The following BRIP1 variants were observed in gnomAD, a reference collection of about 807,000 sequenced individuals.
BRIP1 encodes Fanconi anemia group J protein.
In BRIP1, 88 loss-of-function variants were observed where a neutral mutation model predicts 119.7. That is an observed-to-expected ratio of 0.74 (90% confidence interval 0.62 to 0.88). The LOEUF is 0.88. BRIP1 is among the 40% of genes least tolerant of loss of function. The pLI is 0.00. For missense variants in BRIP1, 1,259 were observed against 1,455.4 expected (o/e 0.87, Z 2.20); for synonymous variants, 443 against 496.5 (o/e 0.89, Z 1.43).
intron 6 of BRIP1, among the ~76,000 whole-genome samples, chr17:61,833,527 C>T (rs1228488980): frequency 1.3e-5 from 2 of 152,010 alleles, no homozygotes; most frequent in East Asian, 3.9e-4. Context: ...AGAAATTAGC[C>T]AGGCATGGTG....
rs1298958766 is a variant in BRIP1 at position 61,853,119 on chromosome 17, A to G, written c.380-3863T>C. Among the ~76,000 whole-genome samples, 1 of 152,232 alleles carries G rather than the reference A, an allele frequency of 6.6e-6. No homozygotes were observed. The highest frequency in any genetic ancestry group is 1.9e-4 in the East Asian group (1 of 5,202). On this transcript the variant is annotated intron_variant, in intron 4 of 19. Coordinates refer to ENST00000259008, the MANE Select transcript of BRIP1 (RefSeq NM_032043.3). The surrounding 1 kb of genome is among the most constrained non-coding windows in gnomAD (Gnocchi z 4.3). ...CAGATTAATAAACTGTGGTATATTC[A>G]TACAAGGAAATAATACACAGAAACA...
rs187567653 is a variant in BRIP1 at position 61,823,880 on chromosome 17, C to G, written c.628-15123G>C. Among the ~76,000 whole-genome samples, 139 of 151,990 alleles carry G rather than the reference C, an allele frequency of 9.1e-4. No homozygotes were observed. The highest frequency in any genetic ancestry group is 3.1e-3 in the African/African-American group (130 of 41,472). On this transcript the variant is annotated intron_variant, in intron 6 of 19. Coordinates refer to ENST00000259008, the MANE Select transcript of BRIP1 (RefSeq NM_032043.3). This position sits in a 1 kb window ranked among gnomAD's most constrained non-coding sequence, Gnocchi z 4.8. ...TTTCGCAGTTGTTGCCCAAAGTGATCTCAGCTCACTGCAACCTCCGCCTCC... is the reference window on the plus strand; with the variant it reads ...TTTCGCAGTTGTTGCCCAAAGTGATGTCAGCTCACTGCAACCTCCGCCTCC...
chr17:61,735,910 TG>T lies in BRIP1; in HGVS notation c.2379+7102del, dbSNP rs2144613873. Among the ~76,000 whole-genome samples, 1 of 152,274 alleles carries T rather than the reference TG, an allele frequency of 6.6e-6. No homozygotes were observed. The highest frequency in any genetic ancestry group is 6.5e-5 in the Admixed American group (1 of 15,294). On this transcript the variant is annotated intron_variant, in intron 16 of 19. Transcript: ENST00000259008. This position sits in a 1 kb window ranked among gnomAD's most constrained non-coding sequence, Gnocchi z 4.4. Reference sequence around the variant, plus strand: ...TAACAACACAACCTGGCCAACACTCTGATTGCAGCAGTTTTGTGGAACCCTG... The same window carrying T: ...TAACAACACAACCTGGCCAACACTCTATTGCAGCAGTTTTGTGGAACCCTG...
chr17:61,689,420 G>A lies in BRIP1; in HGVS notation c.2576-3255C>T, dbSNP rs2061414747. ...AGTGAAGGCTTATGGCTTCATTTAT[G>A]ACTTGACTTATGGGGCACCGTCAAG... is the stretch of plus-strand genomic sequence containing the variant. On this transcript the variant is annotated intron_variant, in intron 18 of 19. Transcript: ENST00000259008. This position sits in a 1 kb window ranked among gnomAD's most constrained non-coding sequence, Gnocchi z 4.5. Among the ~76,000 whole-genome samples the A allele has an allele frequency of 6.6e-6, 1 of 152,082 alleles. No homozygotes were observed. The highest frequency in any genetic ancestry group is 2.4e-5 in the African/African-American group (1 of 41,396).
chr17:61,787,387 A>G (rs1445254308), intron 10 of BRIP1, among the ~76,000 whole-genome samples: 14 of 136,666 alleles, frequency 1.0e-4, no homozygotes, highest in Non-Finnish European at 2.2e-4. Context: ...TATACTATAT[A>G]TAGTATATAT....
chr17:61,860,343 C>G lies in BRIP1; in HGVS notation c.94-436G>C, dbSNP rs529256674. On this transcript the variant is annotated intron_variant, in intron 2 of 19. Transcript: ENST00000259008. This position sits in a 1 kb window ranked among gnomAD's most constrained non-coding sequence, Gnocchi z 4.1. ...CCAGTTCTATGTGTACACCCAAAAC[C>G]TTTCCCACATGAACACAAGGAAACA... 1.3e-5 allele frequency among the ~76,000 whole-genome samples: 2 copies of G among 152,326 alleles called. No homozygotes were observed. Among genetic ancestry groups the G allele is most frequent in the East Asian group, 3.9e-4 (2 of 5,184 alleles).
chr17:61,704,763 T>G lies in BRIP1; in HGVS notation c.2492+11188A>C, dbSNP rs1301822605. Among the ~76,000 whole-genome samples the G allele has an allele frequency of 1.3e-5, 2 of 152,186 alleles. No homozygotes were observed. Among genetic ancestry groups the G allele is most frequent in the Non-Finnish European group, 2.9e-5 (2 of 68,030 alleles). On this transcript the variant is annotated intron_variant, in intron 17 of 19. Coordinates refer to ENST00000259008, the MANE Select transcript of BRIP1 (RefSeq NM_032043.3). This position sits in a 1 kb window ranked among gnomAD's most constrained non-coding sequence, Gnocchi z 5.7. ...AAATGTATATGTATAGAGTTTTTCG[T>G]AGTATTCTCATATTATTCTTTTAAT...
intron 6 of BRIP1, among the ~76,000 whole-genome samples, chr17:61,811,256 C>T (rs1338808886): frequency 6.6e-6 from 1 of 151,994 alleles, no homozygotes; most frequent in South Asian, 2.1e-4. Context: ...CAGACTTTCA[C>T]TCTTTTTGCC....
chr17:61,726,017 AAATT>A lies in BRIP1; in HGVS notation c.2380-9958_2380-9955del, dbSNP rs1260467051. Among the ~76,000 whole-genome samples, 1 of 152,246 alleles carries A rather than the reference AAATT, an allele frequency of 6.6e-6. No individual in the cohort carries two copies. The highest frequency in any genetic ancestry group is 1.5e-5 in the Non-Finnish European group (1 of 68,048). On this transcript the variant is annotated intron_variant, in intron 16 of 19. Coordinates refer to ENST00000259008, the MANE Select transcript of BRIP1 (RefSeq NM_032043.3). The surrounding 1 kb of genome is among the most constrained non-coding windows in gnomAD (Gnocchi z 6.2). ...TACTCAAACAAACCTGCAAATGTTTAAATTATCATCTCTAGAACATGCCACCATT... is the reference window on the plus strand; with the variant it reads ...TACTCAAACAAACCTGCAAATGTTTAATCATCTCTAGAACATGCCACCATT...
At chr17:61,714,427 T>G (rs2061826534) in intron 17 of BRIP1, among the ~76,000 whole-genome samples, 1 of 152,212 alleles carries the variant, frequency 6.6e-6, no homozygotes, top group African/African-American at 2.4e-5. Context: ...ACTTATATAC[T>G]CAATTACTTA....
chr17:61,784,193 G>A lies in BRIP1; in HGVS notation c.1628+77C>T, dbSNP rs964106536. ...TCTCCTATTTACTCACCCAAAATAGGTATGTATTAAACACATGCTAGCATC... is the reference window on the plus strand; with the variant it reads ...TCTCCTATTTACTCACCCAAAATAGATATGTATTAAACACATGCTAGCATC... On this transcript the variant is annotated intron_variant, in intron 11 of 19. Coordinates refer to ENST00000259008, the MANE Select transcript of BRIP1 (RefSeq NM_032043.3). The A allele has an allele frequency of 3.1e-6, 4 of 1,285,238 alleles. No individual in the cohort carries two copies. In the South Asian group the frequency reaches 3.8e-5, roughly 12 times the overall value. 79.6% of individuals were successfully genotyped at this position (1,285,238 alleles called of 1,614,324 possible).
chr17:61,765,379 TTATATATA>T lies in BRIP1; in HGVS notation c.2097+11014_2097+11021del, dbSNP rs1287538931. On this transcript the variant is annotated intron_variant, in intron 14 of 19. Transcript: ENST00000259008. Reference sequence around the variant, plus strand: ...ATGTGTGTGTGTGTGTGTGTATATATTATATATATATATATATATATATATATATATAT... The same window carrying T: ...ATGTGTGTGTGTGTGTGTGTATATATTATATATATATATATATATATATAT... 4.4e-3 allele frequency among the ~76,000 whole-genome samples: 165 copies of T among 37,716 alleles called. 2 individuals carry two copies. Among genetic ancestry groups the T allele is most frequent in the Middle Eastern group, 0.015 (1 of 68 alleles). The allele number at this position is 37,716 out of a possible 152,430, so 24.7% of individuals were successfully genotyped here.
In BRIP1 at chr17:61,804,410, A is replaced by ATGTGTGTGTG. The variant is rs71153405; in HGVS notation, c.919-2946_919-2937dup. Among the ~76,000 whole-genome samples, 7 of 125,416 alleles carry ATGTGTGTGTG rather than the reference A, an allele frequency of 5.6e-5. No homozygotes were observed. Among genetic ancestry groups the ATGTGTGTGTG allele is most frequent in the African/African-American group, 1.7e-4 (5 of 30,086 alleles). 82.3% of individuals were successfully genotyped at this position (125,416 alleles called of 152,430 possible). A position where few individuals can be genotyped will look rare whatever the true frequency, so the allele number is the denominator to read the frequency against. ...AAGACTTTGAGGCAGCTATATACAT[A>ATGTGTGTGTG]TGTGTGTGTGTGTGTGTGTGTGTGT... On this transcript the variant is annotated intron_variant, in intron 7 of 19. Transcript: ENST00000259008. The surrounding 1 kb of genome is among the most constrained non-coding windows in gnomAD (Gnocchi z 4.5).
rs144243234 is a variant in BRIP1, at chr17:61,828,690, C to A, written c.627+18411G>T. On this transcript the variant is annotated intron_variant, in intron 6 of 19. Coordinates refer to ENST00000259008, the MANE Select transcript of BRIP1 (RefSeq NM_032043.3). This position sits in a 1 kb window ranked among gnomAD's most constrained non-coding sequence, Gnocchi z 4.1. ...CTTGGACCTACAAAATGAAGGGCAC[C>A]AGAAGTGAAAAACTGGAGGGTTAAG... 9.9e-5 allele frequency among the ~76,000 whole-genome samples: 15 copies of A among 152,088 alleles called. No homozygotes were observed. Among genetic ancestry groups the A allele is most frequent in the African/African-American group, 3.6e-4 (15 of 41,478 alleles).
Position 61,803,181 on chromosome 17 carries a change from G to A in BRIP1, c.919-1707C>T, listed in dbSNP as rs968058653. On this transcript the variant is annotated intron_variant, in intron 7 of 19. Coordinates refer to ENST00000259008, the MANE Select transcript of BRIP1 (RefSeq NM_032043.3). The surrounding 1 kb of genome is among the most constrained non-coding windows in gnomAD (Gnocchi z 4.3). ...CCAATCTTGGTTCACTGCAACCTCC[G>A]CCTCCCAGGTTCAAGCAATTCTTGT... Among the ~76,000 whole-genome samples, 10 of 150,992 alleles carry A rather than the reference G, an allele frequency of 6.6e-5. No individual in the cohort carries two copies. The highest frequency in any genetic ancestry group is 2.1e-4 in the South Asian group (1 of 4,796).
intron 16 of BRIP1, among the ~76,000 whole-genome samples, chr17:61,721,075 CAG>C: frequency 6.6e-6 from 1 of 152,154 alleles, no homozygotes; most frequent in East Asian, 1.9e-4. Flanking sequence ...CGCCTGACCT[CAG>C]GTGATCCACC....
chr17:61,855,550 G>A (rs991528631), intron 4 of BRIP1, among the ~76,000 whole-genome samples: 1 of 144,134 alleles, frequency 6.9e-6, no homozygotes, highest in African/African-American at 2.6e-5. Context: ...CTGCACTCCA[G>A]CCTGGGCAAC....
rs1567850195 is a variant in BRIP1, at chr17:61,823,791, CA to C, written c.628-15035del. On this transcript the variant is annotated intron_variant, in intron 6 of 19. Coordinates refer to ENST00000259008, the MANE Select transcript of BRIP1 (RefSeq NM_032043.3). The surrounding 1 kb of genome is among the most constrained non-coding windows in gnomAD (Gnocchi z 4.8). ...ACACACACACACACACACACACACA[CA>C]CACACCTTAGTTGAATTGCTGAAAG... 4.7e-5 allele frequency among the ~76,000 whole-genome samples: 7 copies of C among 149,984 alleles called. No individual in the cohort carries two copies. Among genetic ancestry groups the C allele is most frequent in the African/African-American group, 1.7e-4 (7 of 41,176 alleles).
In BRIP1 at chr17:61,799,031, C is replaced by G. The variant is rs189707813; in HGVS notation, c.1340+69G>C. 5.6e-6 allele frequency: 8 copies of G among 1,439,368 alleles called. No homozygotes were observed. The Admixed American group carries it at 1.3e-4, about 24-fold the overall frequency. The allele number at this position is 1,439,368 out of a possible 1,614,324, so 89.2% of individuals were successfully genotyped here. A position where few individuals can be genotyped will look rare whatever the true frequency, so the allele number is the denominator to read the frequency against. ...AACCAAAGTTTACTAACTTTAAATA[C>G]TCTGGCATAATCAAACATATTTTTC... On this transcript the variant is annotated intron_variant, in intron 9 of 19. Coordinates refer to ENST00000259008, the MANE Select transcript of BRIP1 (RefSeq NM_032043.3). The surrounding 1 kb of genome is among the most constrained non-coding windows in gnomAD (Gnocchi z 5.1).
Sources: allele counts gnomAD v4.1 joint callset (sites outside exome capture counted in the v4.1 genomes callset), GRCh38; gene constraint gnomAD v4.1.1; non-coding constraint Gnocchi (gnomAD v3.1); transcripts MANE v1.5; gene names NCBI Gene and HGNC (gene_info 2026-07-23, HGNC 2026-07-21).